The following ALMS1 variants were observed in gnomAD, a reference collection of about 807,000 sequenced individuals.
ALMS1 encodes the protein ALMS1 centrosome and basal body associated protein.
ALMS1 carries 271 observed loss-of-function variants against 352.2 expected under a neutral mutation model. The ratio of observed to expected loss-of-function variants is 0.77; its 90% CI spans 0.70 to 0.85. The LOEUF (loss-of-function observed/expected upper bound fraction) is 0.85. ALMS1 is among the 40% of genes least tolerant of loss of function. The pLI, the probability that ALMS1 is intolerant of heterozygous loss-of-function variation, is 0.00. For synonymous variants in ALMS1, 1,865 were observed against 1,761.2 expected, an observed-to-expected ratio of 1.06 and a Z score of -1.48; for missense variants, 5,445 against 4,870.7, an observed-to-expected ratio of 1.12 and a Z score of -3.51.
chr2:73,569,619 C>A (rs546198573), intron 15 of ALMS1, among the ~76,000 whole-genome samples: 2 of 152,228 alleles, frequency 1.3e-5, no homozygotes, highest in South Asian at 4.1e-4. Flanking sequence ...CCTAGTGTTC[C>A]AGGCCCTGTA....
Position 73,603,267 on chromosome 2 carries a change from C to T in ALMS1, c.12325C>T (p.Pro4109Ser), listed in dbSNP as rs1675740053. 6.2e-7 allele frequency: 1 copy of T among 1,614,070 alleles called. No individual in the cohort carries two copies. The highest frequency in any genetic ancestry group is 1.3e-5 in the African/African-American group (1 of 75,012). ...RVFLAIQKNKPISKKEMIQRS... is the reference protein window; with the variant it reads ...RVFLAIQKNKSISKKEMIQRS... ...CTTCCTGGCTATCCAGAAGAACAAGCCTATCAGCAAGAAGGAAATGATTCA... is the reference window on the plus strand; with the variant it reads ...CTTCCTGGCTATCCAGAAGAACAAGTCTATCAGCAAGAAGGAAATGATTCA... The change falls in exon 21 of 23, where the codon CCT (proline) becomes TCT (serine). Residue 4109 changes from proline (P) to serine (S), a missense_variant. By Grantham distance (74) the Pro-to-Ser change is moderately conservative. Coordinates refer to ENST00000613296, the MANE Select transcript of ALMS1 (RefSeq NM_001378454.1).
At chr2:73,477,918 T>G (rs1472039851) in intron 9 of ALMS1, among the ~76,000 whole-genome samples, 1 of 152,188 alleles carries the variant, frequency 6.6e-6, no homozygotes, top group East Asian at 1.9e-4. Flanking sequence ...CAAATAGATA[T>G]AGTTGTACTT....
At position 73,386,150 on chromosome 2, in the gene ALMS1, G is replaced by T. The variant is rs764095354; in HGVS notation, c.282G>T (p.Pro94=). Residue 94 remains proline, a synonymous_variant, in exon 1 of 23, where the codon CCG becomes CCT. Coordinates refer to ENST00000613296, the MANE Select transcript of ALMS1 (RefSeq NM_001378454.1). ...GGATTTTGCCTCCGCTGTCGCCCCC[G>T]CAGCACCGCTACTCGGAGGGCGAGC... ...PGRILPPLSP[P]QHRYSEGERT... 6.4e-7 allele frequency: 1 copy of T among 1,556,394 alleles called. No individual in the cohort carries two copies. Among genetic ancestry groups the T allele is most frequent in the South Asian group, 1.2e-5 (1 of 84,304 alleles).
At chr2:73,602,060 C>G in intron 19 of ALMS1, 125 bp from the exon 20 acceptor site, 1 of 1,014,282 alleles carries the variant, frequency 9.9e-7, no homozygotes, top group Non-Finnish European at 1.5e-6. Context: ...ACGCTAGATA[C>G]TTTCTCGGCA....
intron 16 of ALMS1, among the ~76,000 whole-genome samples, chr2:73,594,653 A>G (rs568206894): frequency 2.0e-5 from 3 of 152,334 alleles, no homozygotes; most frequent in African/African-American, 7.2e-5. Flanking sequence ...CTAAGGCTTC[A>G]GTTATCAAAG....
At chr2:73,545,517 A>G (rs1432683415) in intron 12 of ALMS1, among the ~76,000 whole-genome samples, 1 of 152,232 alleles carries the variant, frequency 6.6e-6, no homozygotes, top group East Asian at 1.9e-4. Context: ...CACAGTTAAA[A>G]AAACTTAAGA....
At chr2:73,486,410 G>A (rs1417527757) in intron 9 of ALMS1, among the ~76,000 whole-genome samples, 3 of 152,152 alleles carry the variant, frequency 2.0e-5, no homozygotes, top group Admixed American at 2.0e-4. Context: ...GTTGGTGTGA[G>A]TGGGTCTAGT....
Position 73,490,170 on chromosome 2 carries a change from T to G in ALMS1, c.8211T>G (p.Thr2737=), listed in dbSNP as rs759935089. ...SNSSVVKVGV[T]EGSQCTGASV... ...CCTCTGTTGTTAAGGTTGGTGTTAC[T>G]GAAGGTAGCCAGTGTACTGGAGCAT... The change falls in exon 10 of 23, where the codon ACT becomes ACG. Residue 2737 remains threonine, a synonymous_variant. Coordinates refer to ENST00000613296, the MANE Select transcript of ALMS1 (RefSeq NM_001378454.1). 1 of 1,614,106 alleles carries G rather than the reference T, an allele frequency of 6.2e-7. No individual in the cohort carries two copies. The highest frequency in any genetic ancestry group is 1.7e-5 in the Admixed American group (1 of 60,002).
intron 2 of ALMS1, among the ~76,000 whole-genome samples, chr2:73,414,473 G>GTTTTTTT (rs61660489): frequency 3.0e-5 from 2 of 66,414 alleles, no homozygotes; most frequent in African/African-American, 8.5e-5. Context: ...CTTTTTTTCC[G>GTTTTTTT]TTTTTTTTTT....
At chr2:73,400,795 T>A (rs1670858287) in intron 1 of ALMS1, among the ~76,000 whole-genome samples, 1 of 152,208 alleles carries the variant, frequency 6.6e-6, no homozygotes, top group East Asian at 1.9e-4. Flanking sequence ...TCTTTCTTTT[T>A]TCTTTTTTTT....
chr2:73,595,122 A>C (rs1675518997), intron 16 of ALMS1, among the ~76,000 whole-genome samples: 1 of 152,154 alleles, frequency 6.6e-6, no homozygotes, highest in Non-Finnish European at 1.5e-5. Context: ...ACATGATACA[A>C]AATATTTGAT....
chr2:73,469,450 T>C (rs1306725382), intron 9 of ALMS1: 1 of 151,900 alleles, frequency 6.6e-6, no homozygotes, highest in African/African-American at 2.4e-5. Context: ...ATATACCACT[T>C]AGAAAATTTG....
At chr2:73,559,270 T>C in intron 15 of ALMS1, 128 bp downstream of exon 15, 1 of 1,165,928 alleles carries the variant, frequency 8.6e-7, no homozygotes, top group African/African-American at 1.6e-5. Context: ...TTTCTTTTTT[T>C]AAAACTTTCT....
intron 15 of ALMS1, among the ~76,000 whole-genome samples, chr2:73,570,668 T>C (rs1216282907): frequency 1.6e-5 from 2 of 123,340 alleles, no homozygotes; most frequent in African/African-American, 7.4e-5. Context: ...AAGAGAGATA[T>C]GATAGGGAAA....
chr2:73,556,651 T>TTG (rs1674550460), intron 13 of ALMS1, among the ~76,000 whole-genome samples: 1 of 151,788 alleles, frequency 6.6e-6, no homozygotes, highest in Non-Finnish European at 1.5e-5. Context: ...TTTTGTTTTT[T>TTG]TTTTTACTGT....
chr2:73,455,329 T>TA (rs754506582), intron 9 of ALMS1, 34 bp downstream of exon 9: 1 of 1,611,696 alleles, frequency 6.2e-7, no homozygotes, highest in Admixed American at 1.7e-5. Flanking sequence ...AGAAAGTAAA[T>TA]ATGAAAGAAT....
chr2:73,518,493 G>A (rs375053176), intron 10 of ALMS1, among the ~76,000 whole-genome samples: 1 of 152,148 alleles, frequency 6.6e-6, no homozygotes, highest in African/African-American at 2.4e-5. Context: ...GCAATGGATT[G>A]CTGAGTCAAA....
chr2:73,527,555 G>T (rs974362735), intron 11 of ALMS1, among the ~76,000 whole-genome samples: 8 of 151,848 alleles, frequency 5.3e-5, no homozygotes, highest in African/African-American at 1.9e-4. Context: ...TTGGTGTAAA[G>T]TTGCTCATAG....
rs1433329115 is a variant in ALMS1, at chr2:73,386,085, G to A, written c.217G>A (p.Asp73Asn). 2.5e-6 allele frequency: 4 copies of A among 1,596,860 alleles called. No individual in the cohort carries two copies. The highest frequency in any genetic ancestry group is 1.7e-5 in the Admixed American group (1 of 57,656). ...QHLESIDDEEDEEAKAWLQAH... is the reference protein window; with the variant it reads ...QHLESIDDEENEEAKAWLQAH... ...TCTGGAAAGTATAGACGACGAGGAG[G>A]ACGAGGAGGCCAAGGCCTGGCTGCA... Residue 73 changes from aspartate (D) to asparagine (N), a missense_variant, in exon 1 of 23, where the codon GAC (aspartate) becomes AAC (asparagine). Asp to Asn is a conservative substitution (Grantham distance 23). Coordinates refer to ENST00000613296, the MANE Select transcript of ALMS1 (RefSeq NM_001378454.1).
Sources: allele counts gnomAD v4.1 joint callset (sites outside exome capture counted in the v4.1 genomes callset), GRCh38; gene constraint gnomAD v4.1.1; transcripts MANE v1.5; gene names NCBI Gene and HGNC (gene_info 2026-07-23, HGNC 2026-07-21).